The following CTDP1 variants were observed in gnomAD, a reference collection of about 807,000 sequenced individuals.
CTDP1 encodes the protein RNA polymerase II subunit A C-terminal domain phosphatase.
In CTDP1, 47 loss-of-function variants were observed where a neutral mutation model predicts 91.8. The observed-to-expected ratio is 0.51, with a 90% confidence interval of 0.41 to 0.65. The LOEUF is 0.65. Ranked by LOEUF, CTDP1 falls within the 30% of genes least tolerant of loss-of-function variation. The pLI, the probability that CTDP1 is intolerant of heterozygous loss-of-function variation, is 0.00. For missense variants in CTDP1, 1,272 were observed against 1,373.7 expected (o/e 0.93, Z 1.17); for synonymous variants, 656 against 598.5 (o/e 1.10, Z -1.40).
chr18:79,753,574 T>C (rs2087042582), intron 12 of CTDP1, 78 bp from the exon 13 acceptor site: 1 of 1,610,792 alleles, frequency 6.2e-7, no homozygotes, highest in African/African-American at 1.3e-5. Flanking sequence ...GGAAGCCACT[T>C]CCCAAATGCA....
rs1271423816 is a variant in CTDP1, at chr18:79,679,951, G to A, written c.4G>A (p.Glu2Lys). 33 of 1,383,436 alleles carry A rather than the reference G, an allele frequency of 2.4e-5. No individual in the cohort carries two copies. The highest frequency in any genetic ancestry group is 3.1e-5 in the Non-Finnish European group (33 of 1,063,946). The allele number at this position is 1,383,436 out of a possible 1,614,324, so 85.7% of individuals were successfully genotyped here. Reference protein sequence around the residue: MEVPAAGRVPAE... With the variant: MKVPAAGRVPAE... ...GCCCGCCCGCCCTCTGTCCGCGATG[G>A]AGGTGCCGGCCGCGGGTCGCGTTCC... Residue 2 changes from glutamate to lysine, a missense_variant, in exon 1 of 13, where the codon GAG becomes AAG. By Grantham distance (56) the Glu-to-Lys change is moderately conservative. This residue lies in a region of CTDP1 where 214 missense variants were observed against 179.1 expected (regional missense o/e 1.19). Coordinates refer to ENST00000613122, the MANE Select transcript of CTDP1 (RefSeq NM_004715.5).
chr18:79,753,823 C>A lies in CTDP1; in HGVS notation c.*33C>A. ...CAGCGGGCAGGGACTGAAGCCTGAC[C>A]GACCTCCAGCAGCACTCGGACGTCC... On this transcript the variant is annotated 3_prime_UTR_variant, in exon 13 of 13. Transcript: ENST00000613122. 1 of 1,607,762 alleles carries A rather than the reference C, an allele frequency of 6.2e-7. No individual in the cohort carries two copies. Among genetic ancestry groups the A allele is most frequent in the Non-Finnish European group, 8.5e-7 (1 of 1,178,068 alleles).
intron 1 of CTDP1, among the ~76,000 whole-genome samples, chr18:79,686,745 G>C (rs2085502233): frequency 6.6e-6 from 1 of 152,268 alleles, no homozygotes; most frequent in Non-Finnish European, 1.5e-5. Context: ...CAGTTAGCGA[G>C]TTGATACCCA....
At chr18:79,749,561 C>T (rs2086953480) in intron 12 of CTDP1, among the ~76,000 whole-genome samples, 1 of 151,474 alleles carries the variant, frequency 6.6e-6, no homozygotes, top group African/African-American at 2.4e-5. Flanking sequence ...GTCCCGAGCT[C>T]GACCTGAGAG....
rs982565944 is a variant in CTDP1, at chr18:79,713,338, A to G, written c.1030+200A>G. Among the ~76,000 whole-genome samples the G allele has an allele frequency of 2.6e-5, 4 of 152,228 alleles. No homozygotes were observed. On this transcript the variant is annotated intron_variant, in intron 7 of 12. Transcript: ENST00000613122. This position sits in a 1 kb window ranked among gnomAD's most constrained non-coding sequence, Gnocchi z 4.7. ...TTGTTTCAATTTGGGCTTTAAAAAA[A>G]ATGGCCCTCACTTAAGCGTTTTCCC...
At chr18:79,699,672 T>C (rs1469862553) in intron 4 of CTDP1, among the ~76,000 whole-genome samples, 3 of 152,180 alleles carry the variant, frequency 2.0e-5, no homozygotes, top group Non-Finnish European at 4.4e-5. Context: ...TTGCTGTGGC[T>C]GTTTCCTGCT....
At chr18:79,687,716 C>T (rs1431150246) in intron 1 of CTDP1, among the ~76,000 whole-genome samples, 2 of 151,866 alleles carry the variant, frequency 1.3e-5, no homozygotes, top group African/African-American at 4.9e-5. Context: ...GGGCATGCAC[C>T]GGAGCAGTTG....
intron 5 of CTDP1, among the ~76,000 whole-genome samples, chr18:79,708,584 A>C (rs1392630162): frequency 6.6e-6 from 1 of 152,202 alleles, no homozygotes; most frequent in East Asian, 1.9e-4. Flanking sequence ...TTCCAGTGAG[A>C]CTTAAGTCTT....
chr18:79,746,582 C>T (rs867695733), intron 12 of CTDP1, among the ~76,000 whole-genome samples: 1 of 152,260 alleles, frequency 6.6e-6, no homozygotes, highest in Non-Finnish European at 1.5e-5. Context: ...ACTGCTGTCA[C>T]TGTGAACAGG....
rs142577028 is a variant in CTDP1 at position 79,749,501 on chromosome 18, C to CGCCATGCACTCCCGAG, written c.2748-4148_2748-4147insATGCACTCCCGAGGCC. Among the ~76,000 whole-genome samples the CGCCATGCACTCCCGAG allele has an allele frequency of 1.5e-3, 224 of 150,288 alleles. 5 individuals carry two copies. In the East Asian group the frequency reaches 0.037, roughly 25 times the overall value. ...GCCGGGCACCAGACTGTGAGGGTCG[C>CGCCATGCACTCCCGAG]GCCCCGTGCACACGAGATCCAGGCC... On this transcript the variant is annotated intron_variant, in intron 12 of 12. Transcript: ENST00000613122.
chr18:79,680,173 C>T lies in CTDP1; in HGVS notation c.226C>T (p.Pro76Ser). Residue 76 changes from proline to serine, a missense_variant, in exon 1 of 13, where the codon CCC (proline) becomes TCC (serine). Pro to Ser is a moderately conservative substitution (Grantham distance 74). Around this residue, in one of 3 missense-constraint regions of CTDP1, gnomAD observed 214 missense variants for 179.1 expected, o/e 1.19. Coordinates refer to ENST00000613122, the MANE Select transcript of CTDP1 (RefSeq NM_004715.5). ...TGTAGCCTCCGGGGGCTGCGTGCGC[C>T]CCGCGCGGCCGGAACGCAGGCTGAG... ...SRVASGGCVR[P>S]ARPERRLRSE... is the part of the protein sequence containing the mutation. 2 of 1,384,954 alleles carry T rather than the reference C, an allele frequency of 1.4e-6. No homozygotes were observed. Among genetic ancestry groups the T allele is most frequent in the Non-Finnish European group, 1.9e-6 (2 of 1,075,606 alleles). The allele number at this position is 1,384,954 out of a possible 1,614,324, so 85.8% of individuals were successfully genotyped here.
At chr18:79,696,381 G>A (rs2085747254) in intron 3 of CTDP1, among the ~76,000 whole-genome samples, 1 of 152,230 alleles carries the variant, frequency 6.6e-6, no homozygotes, top group Non-Finnish European at 1.5e-5. Flanking sequence ...GTTCCCTTGA[G>A]CCAAGTCCTA....
At chr18:79,681,133 G>T (rs11081553) in intron 1 of CTDP1, among the ~76,000 whole-genome samples, 8,409 of 152,298 alleles carry the variant, frequency 0.055, 308 homozygotes, top group South Asian at 0.16. Context: ...CCTTTGGCTT[G>T]CCCTGACCCT....
chr18:79,730,881 G>C (rs1568209157), intron 11 of CTDP1, among the ~76,000 whole-genome samples: 1 of 152,238 alleles, frequency 6.6e-6, no homozygotes, highest in Non-Finnish European at 1.5e-5. Context: ...ACAGCTGTGA[G>C]GTTGTGAATT....
At chr18:79,736,830 G>A (rs1222313600) in intron 12 of CTDP1, among the ~76,000 whole-genome samples, 9 of 151,846 alleles carry the variant, frequency 5.9e-5, no homozygotes, top group African/African-American at 2.2e-4. Context: ...GCACGTGTGC[G>A]CAGGCATGTG....
At position 79,695,972 on chromosome 18, in the gene CTDP1, T is replaced by C. The variant is rs2085737860; in HGVS notation, c.399-5T>C. The stretch of plus-strand genomic sequence containing the variant: ...AAAGCCCTGAACCTGTCCTTGCACT[T>C]GCAGGTTGCAGAGTAAGAACGGGAA... On this transcript the variant is annotated splice_polypyrimidine_tract_variant and splice_region_variant and intron_variant, in intron 2 of 12. Coordinates refer to ENST00000613122, the MANE Select transcript of CTDP1 (RefSeq NM_004715.5). 1 of 1,611,528 alleles carries C rather than the reference T, an allele frequency of 6.2e-7. No individual in the cohort carries two copies. Among genetic ancestry groups the C allele is most frequent in the Non-Finnish European group, 8.5e-7 (1 of 1,179,440 alleles).
intron 12 of CTDP1, among the ~76,000 whole-genome samples, chr18:79,747,025 T>A (rs150921706): frequency 6.6e-6 from 1 of 152,336 alleles, no homozygotes; most frequent in East Asian, 1.9e-4. Flanking sequence ...GCCACTCTGG[T>A]GCCTGCAGTT....
intron 8 of CTDP1, 89 bp downstream of exon 8, chr18:79,715,617 A>C: frequency 7.8e-7 from 1 of 1,277,494 alleles, no homozygotes; most frequent in Non-Finnish European, 1.1e-6. Context: ...TGTTTATCTC[A>C]CTTTCAATTT....
intron 12 of CTDP1, among the ~76,000 whole-genome samples, chr18:79,750,625 C>T (rs934050258): frequency 6.7e-6 from 1 of 149,186 alleles, no homozygotes; most frequent in Non-Finnish European, 1.5e-5. Context: ...TCCCGAGTAG[C>T]TGGGACTACA....
Sources: allele counts gnomAD v4.1 joint callset (sites outside exome capture counted in the v4.1 genomes callset), GRCh38; gene constraint gnomAD v4.1.1; regional missense constraint gnomAD v4.1.1; non-coding constraint Gnocchi (gnomAD v3.1); transcripts MANE v1.5; gene names NCBI Gene and HGNC (gene_info 2026-07-23, HGNC 2026-07-21).